Variants in BNC2 observed in about 807,000 individuals in gnomAD.
BNC2 encodes basonuclin zinc finger protein 2, also known as zinc finger protein basonuclin-2.
In BNC2, 20 loss-of-function variants were observed where a neutral mutation model predicts 76.3. That is an observed-to-expected ratio of 0.26 (90% CI 0.18 to 0.38). The LOEUF is 0.38. BNC2 is among the 10% of genes least tolerant of loss of function. BNC2 has a pLI of 1.00. For synonymous variants in BNC2, 582 were observed against 514.8 expected, an observed-to-expected ratio of 1.13 and a Z score of -1.77; for missense variants, 1,382 against 1,399.8, an observed-to-expected ratio of 0.99 and a Z score of 0.20.
chr9:16,550,667 G>C (rs753530248), intron 5 of BNC2, among the ~76,000 whole-genome samples: 1 of 152,144 alleles, frequency 6.6e-6, no homozygotes, highest in Non-Finnish European at 1.5e-5. Context: ...TTGTGTCTCT[G>C]CGTAGGTATA....
intron 1 of BNC2, among the ~76,000 whole-genome samples, chr9:16,791,052 T>C (rs938838387): frequency 2.6e-5 from 4 of 151,888 alleles, no homozygotes; most frequent in African/African-American, 9.7e-5. Flanking sequence ...TGGGATTTTA[T>C]ACAATTATAG....
chr9:16,462,070 T>C (rs1393067266), intron 5 of BNC2, among the ~76,000 whole-genome samples: 1 of 152,184 alleles, frequency 6.6e-6, no homozygotes, highest in East Asian at 1.9e-4. Flanking sequence ...GCAGTTCCTA[T>C]TAACATTTAA....
intron 3 of BNC2, among the ~76,000 whole-genome samples, chr9:16,713,138 A>G (rs892918668): frequency 6.6e-6 from 1 of 152,188 alleles, no homozygotes; most frequent in African/African-American, 2.4e-5. Context: ...ACAGTTTTAC[A>G]TGTTCCTTTT....
At chr9:16,821,126 G>A (rs530829182) in intron 1 of BNC2, among the ~76,000 whole-genome samples, 88 of 151,796 alleles carry the variant, frequency 5.8e-4, no homozygotes, top group Middle Eastern at 6.8e-3. Context: ...CCAGCTACTC[G>A]GGAGGCTGAG....
intron 4 of BNC2, among the ~76,000 whole-genome samples, chr9:16,555,120 C>T (rs1025095551): frequency 6.6e-6 from 1 of 152,002 alleles, no homozygotes; most frequent in African/African-American, 2.4e-5. Flanking sequence ...CCCAGTTTCA[C>T]GCCATTCTCC....
At chr9:16,533,758 G>A (rs979673698) in intron 5 of BNC2, among the ~76,000 whole-genome samples, 1 of 152,118 alleles carries the variant, frequency 6.6e-6, no homozygotes, top group South Asian at 2.1e-4. Flanking sequence ...GAAGCACAAT[G>A]TAACTAAATA....
At chr9:16,852,891 TCA>T (rs1003362293) in intron 1 of BNC2, among the ~76,000 whole-genome samples, 1 of 151,966 alleles carries the variant, frequency 6.6e-6, no homozygotes, top group Non-Finnish European at 1.5e-5. Context: ...CTGTGGAAAA[TCA>T]GCAAGGCTGG....
At chr9:16,715,868 G>A (rs1013267425) in intron 3 of BNC2, among the ~76,000 whole-genome samples, 4 of 152,150 alleles carry the variant, frequency 2.6e-5, no homozygotes, top group African/African-American at 9.7e-5. Flanking sequence ...AGAAGAGGGT[G>A]TTCTCAGAAC....
intron 5 of BNC2, among the ~76,000 whole-genome samples, chr9:16,521,748 A>C (rs1817627061): frequency 6.6e-6 from 1 of 152,190 alleles, no homozygotes; most frequent in African/African-American, 2.4e-5. Flanking sequence ...ACTCCATATC[A>C]TGTTAAATTG....
intron 5 of BNC2, among the ~76,000 whole-genome samples, chr9:16,492,937 C>T (rs933479910): frequency 3.9e-5 from 6 of 151,924 alleles, no homozygotes; most frequent in Non-Finnish European, 7.4e-5. Context: ...AGATGAAATT[C>T]GTGATCATTA....
intron 1 of BNC2, among the ~76,000 whole-genome samples, chr9:16,862,452 CA>C (rs1819433743): frequency 6.6e-6 from 1 of 152,160 alleles, no homozygotes; most frequent in East Asian, 1.9e-4. Context: ...ACTTGACTTA[CA>C]AATGAGAGAA....
chr9:16,523,863 T>C (rs915793519), intron 5 of BNC2, among the ~76,000 whole-genome samples: 13 of 151,962 alleles, frequency 8.6e-5, no homozygotes, highest in African/African-American at 3.1e-4. Context: ...GAGGCAGAGA[T>C]TGCAGTGAAC....
intron 3 of BNC2, among the ~76,000 whole-genome samples, chr9:16,706,721 C>T (rs1053637295): frequency 2.0e-5 from 3 of 152,126 alleles, no homozygotes; most frequent in African/African-American, 7.2e-5. Context: ...CTAATCCCTT[C>T]ACCTTAGCCA....
chr9:16,541,680 G>A (rs1818325175), intron 5 of BNC2, among the ~76,000 whole-genome samples: 1 of 152,104 alleles, frequency 6.6e-6, no homozygotes, highest in Non-Finnish European at 1.5e-5. Flanking sequence ...AGCAATTTAA[G>A]GTGCTTCCCT....
intron 3 of BNC2, among the ~76,000 whole-genome samples, chr9:16,678,188 A>C (rs1436256555): frequency 6.6e-6 from 1 of 151,886 alleles, no homozygotes; most frequent in African/African-American, 2.4e-5. Context: ...AAGGGAGATA[A>C]AATATTTTTA....
intron 1 of BNC2, among the ~76,000 whole-genome samples, chr9:16,861,427 GCAGAGGGCTTGTACT>G (rs2136209081): frequency 6.6e-6 from 1 of 152,120 alleles, no homozygotes; most frequent in Non-Finnish European, 1.5e-5. Flanking sequence ...CTTGTACCTA[GCAGAGGGCTTGTACT>G]CAGAATATAT....
chr9:16,557,961 A>G (rs1401589817), intron 4 of BNC2, among the ~76,000 whole-genome samples: 2 of 151,684 alleles, frequency 1.3e-5, no homozygotes, highest in African/African-American at 2.4e-5. Context: ...CCTGGGACTC[A>G]GTCTCCCAAG....
At chr9:16,488,773 G>C (rs1822215688) in intron 5 of BNC2, among the ~76,000 whole-genome samples, 1 of 151,948 alleles carries the variant, frequency 6.6e-6, no homozygotes, top group Non-Finnish European at 1.5e-5. Flanking sequence ...GGCTAAACAA[G>C]ATCAAAACCA....
In BNC2 at chr9:16,738,389, A is replaced by G. The variant is rs368835020; in HGVS notation, c.100T>C (p.Cys34Arg). The change falls in exon 2 of 7, where the codon TGT (cysteine) becomes CGT (arginine). Residue 34 changes from cysteine to arginine, a missense_variant. By Grantham distance (180) the Cys-to-Arg change is radical. Coordinates refer to ENST00000380672, the MANE Select transcript of BNC2 (RefSeq NM_017637.6). Reference sequence around the variant, plus strand: ...ATTTGAGATGTATCAACCCCACAACATGGGACCTTGAAATATGCTGGCCAG... The same window carrying G: ...ATTTGAGATGTATCAACCCCACAACGTGGGACCTTGAAATATGCTGGCCAG... ...QDWPAYFKVP[C>R]CGVDTSQIES... 7.4e-6 allele frequency: 12 copies of G among 1,613,932 alleles called. No homozygotes were observed. Among genetic ancestry groups the G allele is most frequent in the South Asian group, 1.1e-5 (1 of 91,076 alleles).
Sources: gnomAD v4.1 joint callset for allele counts (sites outside exome capture counted in the v4.1 genomes callset) on GRCh38, gnomAD v4.1.1 for gene constraint, MANE v1.5 for transcripts, NCBI Gene and HGNC (gene_info 2026-07-23, HGNC 2026-07-21) for gene names.